Variants in RPF1 observed in about 807,000 individuals in gnomAD.
The protein encoded by RPF1 is ribosome production factor 1 homolog, also known as ribosome production factor 1.
RPF1 carries 34 observed loss-of-function variants against 41.9 expected under a neutral mutation model. The ratio of observed to expected loss-of-function variants is 0.81; its 90% CI spans 0.62 to 1.08. RPF1 has a LOEUF of 1.08. Among genes scored for constraint, RPF1 ranks in the 50% least tolerant of loss-of-function variants. The pLI, the probability that RPF1 is intolerant of heterozygous loss-of-function variation, is 0.00. For missense variants in RPF1, 425 were observed against 435.2 expected, an observed-to-expected ratio of 0.98 and a Z score of 0.21; for synonymous variants, 140 against 148.9, an observed-to-expected ratio of 0.94 and a Z score of 0.43.
intron 7 of RPF1, 38 bp from the exon 8 acceptor site, chr1:84,496,206 G>A (rs748262403): frequency 6.3e-7 from 1 of 1,581,414 alleles, no homozygotes; most frequent in South Asian, 1.1e-5. Flanking sequence ...TTAAACAATA[G>A]CTCATTCAGA....
intron 3 of RPF1, among the ~76,000 whole-genome samples, chr1:84,483,510 G>T (rs929844485): frequency 6.6e-6 from 1 of 152,088 alleles, no homozygotes; most frequent in South Asian, 2.1e-4. Flanking sequence ...CAGGTGATCC[G>T]CCCGCTTTGG....
chr1:84,495,435 C>A lies in RPF1; in HGVS notation c.679C>A (p.Arg227Ser). 1.4e-6 allele frequency: 2 copies of A among 1,469,320 alleles called. No individual in the cohort carries two copies. The highest frequency in any genetic ancestry group is 1.2e-5 in the South Asian group (1 of 83,460). The allele number at this position is 1,469,320 out of a possible 1,614,324, so 91.0% of individuals were successfully genotyped here. ...PTAHFKMSSV[R>S]LRKEIKRRGK... ...TGCTCATTTTAAAATGAGCAGTGTT[C>A]GTCTTCGTAAAGAAATTAAGGTAAG... is the stretch of plus-strand genomic sequence containing the variant. Residue 227 changes from arginine to serine, a missense_variant, in exon 6 of 9, where the codon CGT becomes AGT. Physicochemically the swap from Arg to Ser is moderately radical, Grantham distance 110. Transcript: ENST00000370654.
chr1:84,492,509 C>G (rs1681852520), intron 5 of RPF1, among the ~76,000 whole-genome samples: 1 of 152,198 alleles, frequency 6.6e-6, no homozygotes, highest in Non-Finnish European at 1.5e-5. Flanking sequence ...AGTCACGTTT[C>G]TTAGCCACTC....
chr1:84,479,692 A>G (rs1383729748), intron 1 of RPF1, among the ~76,000 whole-genome samples, 183 bp downstream of exon 1: 1 of 152,184 alleles, frequency 6.6e-6, no homozygotes, highest in African/African-American at 2.4e-5. Context: ...CTCTAGGTTC[A>G]GCCTTTTGCC....
Position 84,479,358 on chromosome 1 carries a change from A to G in RPF1, c.77A>G (p.Gln26Arg), listed in dbSNP as rs750279767. 1 of 1,613,932 alleles carries G rather than the reference A, an allele frequency of 6.2e-7. No individual in the cohort carries two copies. Among genetic ancestry groups the G allele is most frequent in the Admixed American group, 1.7e-5 (1 of 59,998 alleles). Residue 26 changes from glutamine to arginine, a missense_variant, in exon 1 of 9, where the codon CAG becomes CGG. Transcript: ENST00000370654. Reference protein sequence around the residue: ...LKRKAAAEELQEAAGAGDGAT... With the variant: ...LKRKAAAEELREAAGAGDGAT... Reference sequence around the variant, plus strand: ...CGGAAAGCCGCTGCCGAAGAACTTCAGGAGGCTGCAGGCGCTGGGGATGGG... The same window carrying G: ...CGGAAAGCCGCTGCCGAAGAACTTCGGGAGGCTGCAGGCGCTGGGGATGGG...
At position 84,495,382 on chromosome 1, in the gene RPF1, T is replaced by C. The variant is rs374080372; in HGVS notation, c.626T>C (p.Ile209Thr). The change falls in exon 6 of 9, where the codon ATT becomes ACT. Residue 209 changes from isoleucine (I) to threonine (T), a missense_variant. Transcript: ENST00000370654. ...NEDRKTPNGLILSHLPNGPTA... is the reference protein window; with the variant it reads ...NEDRKTPNGLTLSHLPNGPTA... The stretch of plus-strand genomic sequence containing the variant: ...TAACTTTTATGAACAGATGGACTTA[T>C]TTTGAGTCACTTGCCAAATGGCCCA... 2.1e-6 allele frequency: 3 copies of C among 1,459,754 alleles called. No individual in the cohort carries two copies. Among genetic ancestry groups the C allele is most frequent in the African/African-American group, 1.4e-5 (1 of 71,166 alleles). 90.4% of individuals were successfully genotyped at this position (1,459,754 alleles called of 1,614,324 possible).
At chr1:84,492,100 G>A (rs1236168558) in intron 5 of RPF1, among the ~76,000 whole-genome samples, 1 of 152,052 alleles carries the variant, frequency 6.6e-6, no homozygotes, top group Non-Finnish European at 1.5e-5. Flanking sequence ...GGCAAAGGTT[G>A]CCATGAGCAG....
rs1681963282 is a variant in RPF1 at position 84,497,481 on chromosome 1, G to A, written c.*11G>A. 1.3e-6 allele frequency: 2 copies of A among 1,599,252 alleles called. No individual in the cohort carries two copies. Among genetic ancestry groups the A allele is most frequent in the Non-Finnish European group, 8.6e-7 (1 of 1,169,496 alleles). On this transcript the variant is annotated 3_prime_UTR_variant, in exon 9 of 9. Transcript: ENST00000370654. ...AAATTCCATTTATAAAGTACTGAGAGAATGATATTGGATTTTGCTGAACAG... is the reference window on the plus strand; with the variant it reads ...AAATTCCATTTATAAAGTACTGAGAAAATGATATTGGATTTTGCTGAACAG...
At chr1:84,481,586 G>A (rs1020852486) in intron 2 of RPF1, among the ~76,000 whole-genome samples, 1 of 152,144 alleles carries the variant, frequency 6.6e-6, no homozygotes. Context: ...GTGGGAGGAC[G>A]GTGAGGATTA....
chr1:84,487,727 T>G (rs1681760316), intron 3 of RPF1, among the ~76,000 whole-genome samples: 1 of 152,280 alleles, frequency 6.6e-6, no homozygotes, highest in South Asian at 2.1e-4. Flanking sequence ...CGTATTTATT[T>G]GCTTGATTGT....
chr1:84,493,708 G>A (rs551843293), intron 5 of RPF1, among the ~76,000 whole-genome samples: 2 of 152,310 alleles, frequency 1.3e-5, no homozygotes, highest in South Asian at 4.1e-4. Context: ...GAACTGAGAA[G>A]ATTTAGATCT....
rs1048377177 is a variant in RPF1 at position 84,489,530 on chromosome 1, G to T, written c.367-103G>T. The T allele has an allele frequency of 4.4e-6, 3 of 687,144 alleles. No homozygotes were observed. In the African/African-American group the frequency reaches 5.3e-5, roughly 12 times the overall value. The allele number at this position is 687,144 out of a possible 1,614,324, so 42.6% of individuals were successfully genotyped here. On this transcript the variant is annotated intron_variant, in intron 3 of 8. Coordinates refer to ENST00000370654, the MANE Select transcript of RPF1 (RefSeq NM_025065.7). ...TAGTCTGTCTTTAAAGCCCCTATCAGCTAGATACTCAGTGTCCAACAGTCC... is the reference window on the plus strand; with the variant it reads ...TAGTCTGTCTTTAAAGCCCCTATCATCTAGATACTCAGTGTCCAACAGTCC...
At chr1:84,486,494 A>T (rs1001717874) in intron 3 of RPF1, among the ~76,000 whole-genome samples, 2 of 149,074 alleles carry the variant, frequency 1.3e-5, no homozygotes, top group Non-Finnish European at 3.0e-5. Context: ...AGGCTGAAGC[A>T]GGAGAATGGC....
chr1:84,494,287 G>T (rs1681890583), intron 5 of RPF1, among the ~76,000 whole-genome samples: 1 of 152,196 alleles, frequency 6.6e-6, no homozygotes, highest in Admixed American at 6.5e-5. Context: ...AAGCAGTTAA[G>T]ATTTGGTGGG....
At chr1:84,488,346 TAC>T (rs1681771397) in intron 3 of RPF1, among the ~76,000 whole-genome samples, 2 of 152,284 alleles carry the variant, frequency 1.3e-5, no homozygotes, top group East Asian at 3.9e-4. Flanking sequence ...CTGGATATCT[TAC>T]AGTTTTTGTT....
intron 3 of RPF1, 22 bp from the exon 4 acceptor site, chr1:84,489,608 AATT>A: frequency 1.5e-6 from 2 of 1,362,888 alleles, no homozygotes; most frequent in Non-Finnish European, 2.1e-6. Context: ...TTTGATGTAA[AATT>A]ATTCCTCTTC....
chr1:84,480,268 T>C (rs1439863619), intron 1 of RPF1, among the ~76,000 whole-genome samples: 1 of 152,138 alleles, frequency 6.6e-6, no homozygotes, highest in East Asian at 1.9e-4. Context: ...TATGCACGTA[T>C]TGGGGAGGGA....
At chr1:84,493,433 CTT>C (rs1199109762) in intron 5 of RPF1, among the ~76,000 whole-genome samples, 2 of 151,684 alleles carry the variant, frequency 1.3e-5, no homozygotes, top group African/African-American at 4.8e-5. Context: ...TGGCAAAACC[CTT>C]TCTCTACAAA....
chr1:84,497,653 G>C lies in RPF1; in HGVS notation c.*183G>C. On this transcript the variant is annotated 3_prime_UTR_variant, in exon 9 of 9. Coordinates refer to ENST00000370654, the MANE Select transcript of RPF1 (RefSeq NM_025065.7). ...GTTTATGTAGAAAATACAAATAAAA[G>C]TTATTTTGATGGCTTAGGTTTCCTT... 1 of 463,030 alleles carries C rather than the reference G, an allele frequency of 2.2e-6. No homozygotes were observed. Among genetic ancestry groups the C allele is most frequent in the Middle Eastern group, 4.5e-4 (1 of 2,204 alleles). The allele number at this position is 463,030 out of a possible 1,614,324, so 28.7% of individuals were successfully genotyped here.
Sources: gnomAD v4.1 joint callset for allele counts (sites outside exome capture counted in the v4.1 genomes callset) on GRCh38, gnomAD v4.1.1 for gene constraint, MANE v1.5 for transcripts, NCBI Gene and HGNC (gene_info 2026-07-23, HGNC 2026-07-21) for gene names.